The following OR5W2 variants were observed in gnomAD, a reference collection of about 807,000 sequenced individuals.
OR5W2 encodes olfactory receptor family 5 subfamily W member 2.
For synonymous variants in OR5W2, 164 were observed against 138.2 expected (o/e 1.19, Z -1.31); for missense variants, 444 against 357.1 (o/e 1.24, Z -1.96).
rs1854911877 is a variant in OR5W2, at chr11:55,913,992, T to C, written c.591A>G (p.Leu197=). Residue 197 remains leucine, a synonymous_variant, in exon 1 of 1, where the codon TTA becomes TTG. Coordinates refer to ENST00000344514, the MANE Select transcript of OR5W2 (RefSeq NM_001001960.1). ...TAAAACCAAAGACGGTGAATAACAC[T>C]AACTCATTGACCTGTGTATCTGAGC... ...LSRSDTQVNE[L]VLFTVFGFIE... 6.2e-7 allele frequency: 1 copy of C among 1,612,860 alleles called. No individual in the cohort carries two copies. The highest frequency in any genetic ancestry group is 8.5e-7 in the Non-Finnish European group (1 of 1,178,846).
At position 55,914,033 on chromosome 11, in the gene OR5W2, G is replaced by A; in HGVS notation, c.550C>T (p.Leu184Phe). ...INHFFCDIPP[L>F]LLLSRSDTQV... ...GTATCTGAGCGAGAGAGTAATAAGA[G>A]AGGAGGGATATCACAGAAGAAATGA... The change falls in exon 1 of 1, where the codon CTC becomes TTC. Residue 184 changes from leucine (L) to phenylalanine (F), a missense_variant. Transcript: ENST00000344514. 1 of 1,613,686 alleles carries A rather than the reference G, an allele frequency of 6.2e-7. No homozygotes were observed. Among genetic ancestry groups the A allele is most frequent in the East Asian group, 2.2e-5 (1 of 44,880 alleles).
Position 55,914,099 on chromosome 11 carries a change from G to A in OR5W2, c.484C>T (p.Leu162=), listed in dbSNP as rs759755111. ...CCACAGAAGCATAGGCGGAAGGCCA[G>A]TGTCATATGTATCAAAGCATCTGCT... ...GIADALIHMT[L]AFRLCFCGSN... is the part of the protein sequence containing the mutation. Residue 162 remains leucine, a synonymous_variant, in exon 1 of 1, where the codon CTG becomes TTG. Transcript: ENST00000344514. The A allele has an allele frequency of 5.6e-6, 9 of 1,613,932 alleles. No homozygotes were observed. Among genetic ancestry groups the A allele is most frequent in the South Asian group, 3.3e-5 (3 of 91,068 alleles).
At position 55,914,167 on chromosome 11, in the gene OR5W2, CT is replaced by C. The variant is rs777160441; in HGVS notation, c.415del (p.Arg139GlufsTer7). On this transcript the variant is annotated frameshift_variant, in exon 1 of 1. Transcript: ENST00000344514. LOFTEE classifies it low-confidence loss of function (END_TRUNC). ...CCCAGTCAAGAGTAGATAGCACACT[CT>C]GCTAGACATGTTGACTGTATAGAGC... ...PLLYTVNMSS[R>X]VCYLLLTGVY... The C allele has an allele frequency of 2.5e-4, 410 of 1,614,026 alleles. 3 individuals are homozygous for C. The highest frequency in any genetic ancestry group is 2.2e-3 in the South Asian group (203 of 91,076).
In OR5W2 at chr11:55,914,236, G is replaced by A; in HGVS notation, c.347C>T (p.Ser116Leu). 1.2e-6 allele frequency: 2 copies of A among 1,613,790 alleles called. No individual in the cohort carries two copies. Among genetic ancestry groups the A allele is most frequent in the Non-Finnish European group, 8.5e-7 (1 of 1,179,776 alleles). The change falls in exon 1 of 1, where the codon TCA (serine) becomes TTA (leucine). Residue 116 changes from serine to leucine, a missense_variant. Physicochemically the swap from Ser to Leu is moderately radical, Grantham distance 145 (BLOSUM62 -2). Coordinates refer to ENST00000344514, the MANE Select transcript of OR5W2 (RefSeq NM_001001960.1). Reference sequence around the variant, plus strand: ...CTTGTACCGATCAAAGGCCATCACTGACAGCAGTAGACACTCAGAATCTGC... The same window carrying A: ...CTTGTACCGATCAAAGGCCATCACTAACAGCAGTAGACACTCAGAATCTGC... ...IFADSECLLL[S>L]VMAFDRYKAI... is the part of the protein sequence containing the mutation.
chr11:55,914,540 A>G lies in OR5W2; in HGVS notation c.43T>C (p.Leu15=), dbSNP rs1383374442. ...NCSSLTDFFL[L]GITNNPEMKV... ...ATCTCTGGGTTATTGGTAATTCCCA[A>G]GAGAAAAAAATCAGTTAATGAGGAG... is the stretch of plus-strand genomic sequence containing the variant. Residue 15 remains leucine, a synonymous_variant, in exon 1 of 1, where the codon TTG becomes CTG. Coordinates refer to ENST00000344514, the MANE Select transcript of OR5W2 (RefSeq NM_001001960.1). The G allele has an allele frequency of 6.2e-7, 1 of 1,609,896 alleles. No individual in the cohort carries two copies. Among genetic ancestry groups the G allele is most frequent in the East Asian group, 2.2e-5 (1 of 44,832 alleles).
Position 55,914,317 on chromosome 11 carries a change from T to G in OR5W2, c.266A>C (p.Asn89Thr). ...PKMLVDLLAKNKSIPFYGCAL... is the reference protein window; with the variant it reads ...PKMLVDLLAKTKSIPFYGCAL... ...ACAGCCATAGAAGGGTATTGACTTG[T>G]TCTTGGCAAGTAGATCTACCAGCAT... The change falls in exon 1 of 1, where the codon AAC (asparagine) becomes ACC (threonine). Residue 89 changes from asparagine to threonine, a missense_variant. Transcript: ENST00000344514. 6.2e-7 allele frequency: 1 copy of G among 1,614,172 alleles called. No homozygotes were observed. The highest frequency in any genetic ancestry group is 8.5e-7 in the Non-Finnish European group (1 of 1,180,020).
chr11:55,913,998 A>G lies in OR5W2; in HGVS notation c.585T>C (p.Asn195=). 1 of 1,612,576 alleles carries G rather than the reference A, an allele frequency of 6.2e-7. No homozygotes were observed. The highest frequency in any genetic ancestry group is 8.5e-7 in the Non-Finnish European group (1 of 1,178,552). Residue 195 remains asparagine, a synonymous_variant, in exon 1 of 1, where the codon AAT becomes AAC. Coordinates refer to ENST00000344514, the MANE Select transcript of OR5W2 (RefSeq NM_001001960.1). The stretch of plus-strand genomic sequence containing the variant: ...CAAAGACGGTGAATAACACTAACTC[A>G]TTGACCTGTGTATCTGAGCGAGAGA... ...LLLSRSDTQV[N]ELVLFTVFGF... is the part of the protein sequence containing the mutation.
Position 55,913,742 on chromosome 11 carries a change from CA to C in OR5W2, c.840del (p.Val281TrpfsTer5). On this transcript the variant is annotated frameshift_variant, in exon 1 of 1. Transcript: ENST00000344514. LOFTEE classifies it low-confidence loss of function (END_TRUNC). The stretch of plus-strand genomic sequence containing the variant: ...ATCAGGGGGTTCAACATGGGAACCA[CA>C]AGGGTGTAAAACAATGAGGTCATTT... ...QDKMTSLFYT[L>X]VVPMLNPLIY... is the part of the protein sequence containing the mutation. The C allele has an allele frequency of 6.2e-7, 1 of 1,613,966 alleles. No individual in the cohort carries two copies. The highest frequency in any genetic ancestry group is 8.5e-7 in the Non-Finnish European group (1 of 1,179,914).
rs763613983 is a variant in OR5W2, at chr11:55,914,476, A to G, written c.107T>C (p.Ile36Thr). The G allele has an allele frequency of 6.2e-7, 1 of 1,612,884 alleles. No individual in the cohort carries two copies. The highest frequency in any genetic ancestry group is 8.5e-7 in the Non-Finnish European group (1 of 1,178,846). ...TCCAAGATTTGCTGAGAAATTAATG[A>G]TATAAACAGCCAAGAATACAGCAAA... ...TLFAVFLAVY[I>T]INFSANLGMI... The change falls in exon 1 of 1, where the codon ATC becomes ACC. Residue 36 changes from isoleucine (I) to threonine (T), a missense_variant. Coordinates refer to ENST00000344514, the MANE Select transcript of OR5W2 (RefSeq NM_001001960.1).
At position 55,913,830 on chromosome 11, in the gene OR5W2, G is replaced by A. The variant is rs142170371; in HGVS notation, c.753C>T (p.Phe251=). 10 of 1,614,074 alleles carry A rather than the reference G, an allele frequency of 6.2e-6. No homozygotes were observed. In the South Asian group the frequency reaches 1.1e-4, roughly 18 times the overall value. The change falls in exon 1 of 1, where the codon TTC becomes TTT. Residue 251 remains phenylalanine, a synonymous_variant. Coordinates refer to ENST00000344514, the MANE Select transcript of OR5W2 (RefSeq NM_001001960.1). ...AATACATAAAGAGCAGAGTTCCCTGGAAAATTGCAACCGCAGATAAGTGGG... is the reference window on the plus strand; with the variant it reads ...AATACATAAAGAGCAGAGTTCCCTGAAAAATTGCAACCGCAGATAAGTGGG... ...CTSHLSAVAI[F]QGTLLFMYFR...
In OR5W2 at chr11:55,914,203, A is replaced by G; in HGVS notation, c.380T>C (p.Ile127Thr). The change falls in exon 1 of 1, where the codon ATC becomes ACC. Residue 127 changes from isoleucine (I) to threonine (T), a missense_variant. By Grantham distance (89) the Ile-to-Thr change is moderately conservative (BLOSUM62 -1). Transcript: ENST00000344514. ...GTTGACTGTATAGAGCAGGGGGTTG[A>G]TGATGGCCTTGTACCGATCAAAGGC... is the stretch of plus-strand genomic sequence containing the variant. ...VMAFDRYKAI[I>T]NPLLYTVNMS... The G allele has an allele frequency of 6.2e-7, 1 of 1,614,130 alleles. No individual in the cohort carries two copies. The highest frequency in any genetic ancestry group is 8.5e-7 in the Non-Finnish European group (1 of 1,179,996).
In OR5W2 at chr11:55,914,553, A is replaced by G. The variant is rs139902439; in HGVS notation, c.30T>C (p.Thr10=). The change falls in exon 1 of 1, where the codon ACT becomes ACC. Residue 10 remains threonine (T), a synonymous_variant. Coordinates refer to ENST00000344514, the MANE Select transcript of OR5W2 (RefSeq NM_001001960.1). ...TGGTAATTCCCAAGAGAAAAAAATC[A>G]GTTAATGAGGAGCAATTTTCCCAGT... is the stretch of plus-strand genomic sequence containing the variant. MDWENCSSL[T]DFFLLGITNN... 6.2e-7 allele frequency: 1 copy of G among 1,606,172 alleles called. No individual in the cohort carries two copies. Among genetic ancestry groups the G allele is most frequent in the African/African-American group, 1.3e-5 (1 of 74,776 alleles).
chr11:55,914,172 A>G lies in OR5W2; in HGVS notation c.411T>C (p.Ser137=), dbSNP rs1301860950. 4 of 1,614,076 alleles carry G rather than the reference A, an allele frequency of 2.5e-6. No individual in the cohort carries two copies. The South Asian group carries it at 3.3e-5, about 13-fold the overall frequency. The change falls in exon 1 of 1, where the codon TCT becomes TCC. Residue 137 remains serine (S), a synonymous_variant. Coordinates refer to ENST00000344514, the MANE Select transcript of OR5W2 (RefSeq NM_001001960.1). Reference sequence around the variant, plus strand: ...TCAAGAGTAGATAGCACACTCTGCTAGACATGTTGACTGTATAGAGCAGGG... The same window carrying G: ...TCAAGAGTAGATAGCACACTCTGCTGGACATGTTGACTGTATAGAGCAGGG... The part of the protein sequence containing the change: ...INPLLYTVNM[S]SRVCYLLLTG...
rs1458869699 is a variant in OR5W2, at chr11:55,914,004, C to T, written c.579G>A (p.Gln193=). The change falls in exon 1 of 1, where the codon CAG becomes CAA. Residue 193 remains glutamine (Q), a synonymous_variant. Transcript: ENST00000344514. ...CGGTGAATAACACTAACTCATTGAC[C>T]TGTGTATCTGAGCGAGAGAGTAATA... ...PLLLLSRSDT[Q]VNELVLFTVF... is the part of the protein sequence containing the mutation. 6.2e-7 allele frequency: 1 copy of T among 1,613,012 alleles called. No individual in the cohort carries two copies. Among genetic ancestry groups the T allele is most frequent in the African/African-American group, 1.3e-5 (1 of 75,018 alleles).
At position 55,914,551 on chromosome 11, in the gene OR5W2, T is replaced by G; in HGVS notation, c.32A>C (p.Asp11Ala). The G allele has an allele frequency of 6.2e-7, 1 of 1,607,070 alleles. No homozygotes were observed. Among genetic ancestry groups the G allele is most frequent in the Non-Finnish European group, 8.5e-7 (1 of 1,176,264 alleles). ...ATTGGTAATTCCCAAGAGAAAAAAA[T>G]CAGTTAATGAGGAGCAATTTTCCCA... Reference protein sequence around the residue: MDWENCSSLTDFFLLGITNNP... With the variant: MDWENCSSLTAFFLLGITNNP... The change falls in exon 1 of 1, where the codon GAT becomes GCT. Residue 11 changes from aspartate (D) to alanine (A), a missense_variant. Asp to Ala is a moderately radical substitution (Grantham distance 126, BLOSUM62 -2). Transcript: ENST00000344514.
Position 55,913,795 on chromosome 11 carries a change from C to G in OR5W2, c.788G>C (p.Ser263Thr). ...ATCTTGATCTAGAGAATAGGAAGAACTTGGCCGGAAATACATAAAGAGCAG... is the reference window on the plus strand; with the variant it reads ...ATCTTGATCTAGAGAATAGGAAGAAGTTGGCCGGAAATACATAAAGAGCAG... ...GTLLFMYFRPSSSYSLDQDKM... is the reference protein window; with the variant it reads ...GTLLFMYFRPTSSYSLDQDKM... The change falls in exon 1 of 1, where the codon AGT becomes ACT. Residue 263 changes from serine to threonine, a missense_variant. Ser to Thr is a moderately conservative substitution (Grantham distance 58, BLOSUM62 1). Coordinates refer to ENST00000344514, the MANE Select transcript of OR5W2 (RefSeq NM_001001960.1). The G allele has an allele frequency of 6.2e-7, 1 of 1,614,034 alleles. No homozygotes were observed. The highest frequency in any genetic ancestry group is 8.5e-7 in the Non-Finnish European group (1 of 1,179,994).
At position 55,914,530 on chromosome 11, in the gene OR5W2, G is replaced by T. The variant is rs1424186812; in HGVS notation, c.53C>A (p.Thr18Asn). ...SLTDFFLLGI[T>N]NNPEMKVTLF... ...GGTCACTTTCATCTCTGGGTTATTG[G>T]TAATTCCCAAGAGAAAAAAATCAGT... Residue 18 changes from threonine to asparagine, a missense_variant, in exon 1 of 1, where the codon ACC (threonine) becomes AAC (asparagine). By Grantham distance (65) the Thr-to-Asn change is moderately conservative (BLOSUM62 0). Coordinates refer to ENST00000344514, the MANE Select transcript of OR5W2 (RefSeq NM_001001960.1). The T allele has an allele frequency of 1.2e-6, 2 of 1,611,570 alleles. No individual in the cohort carries two copies. Among genetic ancestry groups the T allele is most frequent in the Admixed American group, 3.4e-5 (2 of 59,682 alleles).
chr11:55,913,713 A>G lies in OR5W2; in HGVS notation c.870T>C (p.Tyr290=). The G allele has an allele frequency of 1.9e-6, 3 of 1,613,974 alleles. No individual in the cohort carries two copies. The highest frequency in any genetic ancestry group is 1.3e-5 in the African/African-American group (1 of 75,048). ...CTTTCACATCCTTGTTCCTCAGGCT[A>G]TAAATCAGGGGGTTCAACATGGGAA... ...LVVPMLNPLI[Y]SLRNKDVKEA... The change falls in exon 1 of 1, where the codon TAT becomes TAC. Residue 290 remains tyrosine, a synonymous_variant. Transcript: ENST00000344514.
rs1415643082 is a variant in OR5W2 at position 55,914,201 on chromosome 11, T to TG, written c.381dup (p.Asn128GlnfsTer11). 2 of 1,613,978 alleles carry TG rather than the reference T, an allele frequency of 1.2e-6. No homozygotes were observed. Among genetic ancestry groups the TG allele is most frequent in the African/African-American group, 2.7e-5 (2 of 74,910 alleles). ...ATGTTGACTGTATAGAGCAGGGGGTTGATGATGGCCTTGTACCGATCAAAG... is the reference window on the plus strand; with the variant it reads ...ATGTTGACTGTATAGAGCAGGGGGTTGGATGATGGCCTTGTACCGATCAAAG... On this transcript the variant is annotated frameshift_variant, in exon 1 of 1. Transcript: ENST00000344514. LOFTEE classifies it low-confidence loss of function (END_TRUNC).
Sources: allele counts gnomAD v4.1 joint callset, GRCh38; gene constraint gnomAD v4.1.1; transcripts MANE v1.5; gene names NCBI Gene and HGNC (gene_info 2026-07-23, HGNC 2026-07-21).